Variants in PRKG1 observed in about 807,000 individuals in gnomAD.
The protein encoded by PRKG1 is cGMP-dependent protein kinase 1.
A neutral mutation model predicts 88.1 loss-of-function variants in PRKG1; 35 were observed. That is an observed-to-expected ratio of 0.40 (90% CI 0.30 to 0.53). The LOEUF is 0.53. PRKG1 is among the 20% of genes least tolerant of loss of function. PRKG1 has a pLI of 0.59. For synonymous variants in PRKG1, 303 were observed against 292.5 expected (o/e 1.04, Z -0.37); for missense variants, 540 against 839.8 (o/e 0.64, Z 4.41).
intron 3 of PRKG1, among the ~76,000 whole-genome samples, chr10:51,665,136 G>A (rs368885228): frequency 1.3e-5 from 2 of 152,066 alleles, no homozygotes; most frequent in Non-Finnish European, 2.9e-5. Flanking sequence ...GTAACAACTT[G>A]AATCGTTATC....
chr10:51,887,931 T>G (rs907880746), intron 4 of PRKG1, among the ~76,000 whole-genome samples: 2 of 152,184 alleles, frequency 1.3e-5, no homozygotes, highest in Admixed American at 6.5e-5. Context: ...GTTATGCACG[T>G]TAAATAAATT....
intron 5 of PRKG1, among the ~76,000 whole-genome samples, chr10:51,988,174 A>G (rs1844211823): frequency 6.6e-6 from 1 of 152,080 alleles, no homozygotes; most frequent in South Asian, 2.1e-4. Flanking sequence ...AAAACAATGC[A>G]TAATATTGTT....
chr10:51,143,734 T>A (rs1218747406), intron 1 of PRKG1, among the ~76,000 whole-genome samples: 1 of 152,110 alleles, frequency 6.6e-6, no homozygotes. Flanking sequence ...CACTGAGCAT[T>A]TTTTATGTAC....
chr10:51,890,172 T>C (rs543376952), intron 4 of PRKG1, among the ~76,000 whole-genome samples: 1 of 152,370 alleles, frequency 6.6e-6, no homozygotes, highest in East Asian at 1.9e-4. Context: ...GGTTTTCTTC[T>C]AGGGTTTTTA....
At chr10:52,233,858 G>A (rs1168497254) in intron 9 of PRKG1, among the ~76,000 whole-genome samples, 1 of 152,110 alleles carries the variant, frequency 6.6e-6, no homozygotes, top group Admixed American at 6.5e-5. Flanking sequence ...ACCTCTGGGG[G>A]CAGGGCACAG....
intron 2 of PRKG1, among the ~76,000 whole-genome samples, chr10:51,276,516 T>A (rs1302044570): frequency 1.3e-5 from 2 of 152,208 alleles, no homozygotes; most frequent in Non-Finnish European, 2.9e-5. Context: ...TATTTCTAGT[T>A]CTAGATCCTT....
chr10:51,506,707 C>T (rs898205053), intron 3 of PRKG1, among the ~76,000 whole-genome samples: 1 of 152,112 alleles, frequency 6.6e-6, no homozygotes, highest in Non-Finnish European at 1.5e-5. Flanking sequence ...GTTGGTGGGA[C>T]TGTAAACTAG....
intron 2 of PRKG1, among the ~76,000 whole-genome samples, chr10:51,391,824 C>T (rs190401764): frequency 4.6e-5 from 7 of 152,292 alleles, no homozygotes; most frequent in East Asian, 3.9e-4. Context: ...TTATTTTATA[C>T]GAGGTGGTGT....
intron 3 of PRKG1, among the ~76,000 whole-genome samples, chr10:51,680,149 T>C (rs1840814584): frequency 6.6e-6 from 1 of 152,156 alleles, no homozygotes; most frequent in Admixed American, 6.5e-5. Flanking sequence ...CCAATTCACC[T>C]CAGCCTTTAA....
chr10:51,791,325 C>T (rs1838864637), intron 3 of PRKG1, among the ~76,000 whole-genome samples: 1 of 152,102 alleles, frequency 6.6e-6, no homozygotes. Context: ...ATAGTAAGGT[C>T]TCAAAAATGC....
At chr10:51,199,834 A>C (rs1279009549) in intron 2 of PRKG1, among the ~76,000 whole-genome samples, 1 of 152,148 alleles carries the variant, frequency 6.6e-6, no homozygotes, top group Non-Finnish European at 1.5e-5. Context: ...GCTGTTACAC[A>C]TCCTGGGTTA....
At chr10:51,026,365 A>G (rs1843205959) in intron 1 of PRKG1, among the ~76,000 whole-genome samples, 1 of 152,168 alleles carries the variant, frequency 6.6e-6, no homozygotes, top group Non-Finnish European at 1.5e-5. Flanking sequence ...TGCCAGATAA[A>G]TTCTTTTTCA....
intron 5 of PRKG1, among the ~76,000 whole-genome samples, chr10:52,027,208 T>C (rs1845364447): frequency 1.3e-5 from 2 of 152,166 alleles, no homozygotes; most frequent in Non-Finnish European, 2.9e-5. Flanking sequence ...GTGTACTTGT[T>C]ACCTAACCTG....
intron 3 of PRKG1, among the ~76,000 whole-genome samples, chr10:51,547,255 C>T: frequency 6.6e-6 from 1 of 152,102 alleles, no homozygotes; most frequent in East Asian, 1.9e-4. Context: ...GTTTCCCTAT[C>T]AGTAAGAACT....
At chr10:51,099,178 T>G (rs1441936434) in intron 1 of PRKG1, among the ~76,000 whole-genome samples, 4 of 152,154 alleles carry the variant, frequency 2.6e-5, no homozygotes, top group Non-Finnish European at 4.4e-5. Flanking sequence ...AGCCCTTCTC[T>G]GAGGCTCGCT....
At chr10:52,020,325 A>G (rs1227968336) in intron 5 of PRKG1, among the ~76,000 whole-genome samples, 1 of 152,176 alleles carries the variant, frequency 6.6e-6, no homozygotes, top group Non-Finnish European at 1.5e-5. Context: ...CCCTCCACAG[A>G]GCATGTCAAA....
At chr10:52,223,055 AT>A (rs1391152205) in intron 9 of PRKG1, among the ~76,000 whole-genome samples, 1 of 152,126 alleles carries the variant, frequency 6.6e-6, no homozygotes, top group African/African-American at 2.4e-5. Context: ...CACCCTAGAA[AT>A]TCTTTTCTCT....
At position 51,911,544 on chromosome 10, in the gene PRKG1, C is replaced by T. The variant is rs1038502132; in HGVS notation, c.762+3974C>T. 5.9e-5 allele frequency among the ~76,000 whole-genome samples: 9 copies of T among 152,158 alleles called. No individual in the cohort carries two copies. The South Asian group carries it at 1.0e-3, about 18-fold the overall frequency. On this transcript the variant is annotated intron_variant, in intron 5 of 17. Coordinates refer to ENST00000373980, the MANE Select transcript of PRKG1 (RefSeq NM_006258.4). The stretch of plus-strand genomic sequence containing the variant: ...GTGTGAGCCATAGTACAGTCCATAC[C>T]AATGCTGAATTAAAATGGAAACAGA...
chr10:52,114,935 T>C (rs536349120), intron 7 of PRKG1, among the ~76,000 whole-genome samples: 9 of 151,964 alleles, frequency 5.9e-5, no homozygotes, highest in Non-Finnish European at 1.0e-4. Context: ...ATCCAGAACA[T>C]AAAAGGTAAT....
Sources: gnomAD v4.1 joint callset for allele counts (sites outside exome capture counted in the v4.1 genomes callset) on GRCh38, gnomAD v4.1.1 for gene constraint, MANE v1.5 for transcripts, NCBI Gene and HGNC (gene_info 2026-07-23, HGNC 2026-07-21) for gene names.